ZBTB7C: variants seen among roughly 807,000 people sequenced by gnomAD.
ZBTB7C encodes the protein zinc finger and BTB domain containing 7C, also known as zinc finger and BTB domain-containing protein 7C.
Under a neutral mutation model 25.7 loss-of-function variants are expected in ZBTB7C, and 8 were observed. The ratio of observed to expected loss-of-function variants is 0.31; its 90% confidence interval spans 0.18 to 0.56. ZBTB7C has a LOEUF of 0.56. Among genes scored for constraint, ZBTB7C ranks in the 20% least tolerant of loss-of-function variants. ZBTB7C has a pLI of 0.91. For missense variants in ZBTB7C, 824 were observed against 855.2 expected, an observed-to-expected ratio of 0.96 and a Z score of 0.46; for synonymous variants, 394 against 369.0, an observed-to-expected ratio of 1.07 and a Z score of -0.78.
chr18:48,115,241 T>A (rs978085345), intron 3 of ZBTB7C, among the ~76,000 whole-genome samples: 5 of 152,092 alleles, frequency 3.3e-5, no homozygotes, highest in African/African-American at 1.2e-4. Context: ...GTTAAGCATG[T>A]ATCAGAACTT....
chr18:48,217,737 G>T (rs2042859537), intron 2 of ZBTB7C, among the ~76,000 whole-genome samples: 1 of 152,124 alleles, frequency 6.6e-6, no homozygotes, highest in African/African-American at 2.4e-5. Context: ...CTATCACTAG[G>T]CCGTGTCTCA....
At chr18:48,401,297 C>T (rs1242914423) in intron 1 of ZBTB7C, among the ~76,000 whole-genome samples, 1 of 152,164 alleles carries the variant, frequency 6.6e-6, no homozygotes, top group African/African-American at 2.4e-5. Context: ...TAGAAATTTA[C>T]AAAACATAAA....
intron 1 of ZBTB7C, among the ~76,000 whole-genome samples, chr18:48,352,431 C>T (rs1381443739): frequency 6.6e-6 from 1 of 152,210 alleles, no homozygotes; most frequent in Non-Finnish European, 1.5e-5. Flanking sequence ...CCACCCAGGC[C>T]CCAAAGGCCC....
At chr18:48,124,090 TG>T (rs1450408361) in intron 3 of ZBTB7C, among the ~76,000 whole-genome samples, 1 of 152,226 alleles carries the variant, frequency 6.6e-6, no homozygotes, top group Admixed American at 6.5e-5. Flanking sequence ...GATCATAGGC[TG>T]GGTACTATCT....
chr18:48,358,424 C>T (rs1165017722), intron 1 of ZBTB7C, among the ~76,000 whole-genome samples: 1 of 152,180 alleles, frequency 6.6e-6, no homozygotes, highest in Non-Finnish European at 1.5e-5. Context: ...TGTGACACTG[C>T]CTGCTCTCCC....
intron 2 of ZBTB7C, among the ~76,000 whole-genome samples, chr18:48,285,200 T>C (rs902435353): frequency 9.9e-5 from 15 of 152,224 alleles, no homozygotes; most frequent in African/African-American, 1.4e-4. Flanking sequence ...CTAGTTTGTA[T>C]CTCCTTGACC....
intron 3 of ZBTB7C, among the ~76,000 whole-genome samples, chr18:48,162,144 T>G (rs1052136567): frequency 2.0e-5 from 3 of 149,818 alleles, no homozygotes. Flanking sequence ...CAGACCCGGC[T>G]GTAGTTATCA....
At chr18:48,385,805 G>A (rs763815807) in intron 1 of ZBTB7C, among the ~76,000 whole-genome samples, 2 of 152,100 alleles carry the variant, frequency 1.3e-5, no homozygotes, top group South Asian at 2.1e-4. Flanking sequence ...CTCACTCCTC[G>A]CCAGCCCACA....
chr18:48,365,243 T>C (rs1310424409), intron 1 of ZBTB7C, among the ~76,000 whole-genome samples: 3 of 152,236 alleles, frequency 2.0e-5, no homozygotes, highest in Non-Finnish European at 4.4e-5. Flanking sequence ...ATTTCACTCA[T>C]GTGGAAGTAC....
chr18:48,129,412 T>C (rs2144764429), intron 3 of ZBTB7C, among the ~76,000 whole-genome samples: 1 of 151,696 alleles, frequency 6.6e-6, no homozygotes. Context: ...CATGTTCCTT[T>C]CAAAGCTGCC....
intron 3 of ZBTB7C, among the ~76,000 whole-genome samples, chr18:48,105,168 T>C (rs1015600873): frequency 6.6e-6 from 1 of 152,192 alleles, no homozygotes. Flanking sequence ...GACCCCCAAT[T>C]CTGCCAATGT....
At chr18:48,389,224 CTCTCTCTCTCTCGTGTGT>C (rs1160848022) in intron 1 of ZBTB7C, among the ~76,000 whole-genome samples, 99 of 124,286 alleles carry the variant, frequency 8.0e-4, no homozygotes, top group East Asian at 1.1e-3. Context: ...CTCTCTCTCT[CTCTCTCTCTCTCGTGTGT>C]GTGTGTGTGT....
At chr18:48,312,169 C>T (rs762832396) in intron 2 of ZBTB7C, among the ~76,000 whole-genome samples, 6 of 152,220 alleles carry the variant, frequency 3.9e-5, no homozygotes, top group Admixed American at 6.5e-5. Flanking sequence ...GCCTGGGCTT[C>T]GGCCACATCT....
rs540492830 is a variant in ZBTB7C, at chr18:48,344,471, G to A, written c.-303-6073C>T. ...ACCTTCTGATTAGCCAGGCTGCAGA[G>A]TGGAGGACGTCCTGGCACGTGTATG... is the stretch of plus-strand genomic sequence containing the variant. On this transcript the variant is annotated intron_variant, in intron 1 of 4. Coordinates refer to ENST00000590800, the MANE Select transcript of ZBTB7C (RefSeq NM_001318841.2). Among the ~76,000 whole-genome samples, 12 of 152,252 alleles carry A rather than the reference G, an allele frequency of 7.9e-5. No homozygotes were observed. The East Asian group carries it at 1.7e-3, about 22-fold the overall frequency.
intron 1 of ZBTB7C, among the ~76,000 whole-genome samples, chr18:48,381,635 G>A (rs1293691555): frequency 6.6e-6 from 1 of 152,190 alleles, no homozygotes; most frequent in Non-Finnish European, 1.5e-5. Flanking sequence ...GATGAGGGAG[G>A]TAATGGGCCA....
Position 48,029,202 on chromosome 18 carries a change from G to A in ZBTB7C, c.*58C>T. 1 of 1,488,264 alleles carries A rather than the reference G, an allele frequency of 6.7e-7. No individual in the cohort carries two copies. Among genetic ancestry groups the A allele is most frequent in the Non-Finnish European group, 8.8e-7 (1 of 1,131,286 alleles). The allele number at this position is 1,488,264 out of a possible 1,614,324, so 92.2% of individuals were successfully genotyped here. ...GTTCAGATCCATGGGGTAGGGTAGA[G>A]TGGGCCTGGAGGGAGAAGGACTGGA... On this transcript the variant is annotated 3_prime_UTR_variant, in exon 5 of 5. Transcript: ENST00000590800.
At chr18:48,249,607 T>A (rs1246512979) in intron 2 of ZBTB7C, among the ~76,000 whole-genome samples, 1 of 152,204 alleles carries the variant, frequency 6.6e-6, no homozygotes, top group Non-Finnish European at 1.5e-5. Context: ...TAGAATTTTA[T>A]AGGTGACATA....
intron 1 of ZBTB7C, among the ~76,000 whole-genome samples, chr18:48,365,626 C>T (rs983930366): frequency 7.9e-5 from 12 of 152,170 alleles, no homozygotes; most frequent in African/African-American, 2.9e-4. Context: ...CAGGCTGACA[C>T]CTGGATTGCA....
At chr18:48,217,586 C>T (rs1599122934) in intron 2 of ZBTB7C, among the ~76,000 whole-genome samples, 1 of 152,148 alleles carries the variant, frequency 6.6e-6, no homozygotes. Flanking sequence ...CCCTCACTCA[C>T]CTCTGGATCT....
Sources: gnomAD v4.1 joint callset for allele counts (sites outside exome capture counted in the v4.1 genomes callset) on GRCh38, gnomAD v4.1.1 for gene constraint, MANE v1.5 for transcripts, NCBI Gene and HGNC (gene_info 2026-07-23, HGNC 2026-07-21) for gene names.